The following ACTR3C variants were observed in gnomAD, a reference collection of about 807,000 sequenced individuals.
ACTR3C encodes actin related protein 3C, also known as actin-related protein 3C.
A neutral mutation model predicts 26.3 loss-of-function variants in ACTR3C; 18 were observed. That is an observed-to-expected ratio of 0.68 (90% CI 0.47 to 1.01). The LOEUF (loss-of-function observed/expected upper bound fraction) is 1.01, where lower values mean the gene tolerates loss of function less well. Ranked by LOEUF, ACTR3C falls within the 50% of genes least tolerant of loss-of-function variation. The pLI, the probability that ACTR3C is intolerant of heterozygous loss-of-function variation, is 0.00. For synonymous variants in ACTR3C, 55 were observed against 94.5 expected, an observed-to-expected ratio of 0.58 and a Z score of 2.42; for missense variants, 184 against 250.7, an observed-to-expected ratio of 0.73 and a Z score of 1.80.
chr7:150,197,902 G>A, the ACTR3C span, among the ~76,000 whole-genome samples: 3 of 144,546 alleles, frequency 2.1e-5, no homozygotes, highest in South Asian at 4.4e-4. Flanking sequence ...CCTCTCATGC[G>A]GAGCCGAAGC....
the ACTR3C span, among the ~76,000 whole-genome samples, chr7:150,193,856 C>T: frequency 1.3e-5 from 2 of 151,336 alleles, no homozygotes; most frequent in African/African-American, 4.9e-5. Flanking sequence ...GGTGAATAAT[C>T]CAGATGTTCT....
the ACTR3C span, among the ~76,000 whole-genome samples, chr7:150,203,590 A>G: frequency 6.6e-6 from 1 of 152,014 alleles, no homozygotes; most frequent in Non-Finnish European, 1.5e-5. Context: ...TTTTACATGA[A>G]GTTTTGCTCT....
At chr7:150,231,491 C>T in the ACTR3C span, among the ~76,000 whole-genome samples, 1 of 151,280 alleles carries the variant, frequency 6.6e-6, no homozygotes, top group Non-Finnish European at 1.5e-5. Context: ...GGCTGCCCTT[C>T]ACCTTCTGCC....
At chr7:150,203,070 T>C in the ACTR3C span, among the ~76,000 whole-genome samples, 1 of 152,220 alleles carries the variant, frequency 6.6e-6, no homozygotes, top group South Asian at 2.1e-4. Context: ...GCAAAAGAAG[T>C]GGAGCCTTAC....
At chr7:150,033,616 A>G in the ACTR3C span, among the ~76,000 whole-genome samples, 2,315 of 106,884 alleles carry the variant, frequency 0.022, no homozygotes, top group Non-Finnish European at 0.026. Context: ...CCCCCGCTGC[A>G]ATGGGGGTCC....
the ACTR3C span, among the ~76,000 whole-genome samples, chr7:149,913,671 C>T: frequency 1.3e-4 from 20 of 150,362 alleles, no homozygotes; most frequent in Non-Finnish European, 2.4e-4. Context: ...TAACACCCCT[C>T]GCTCACCCGC....
the ACTR3C span, among the ~76,000 whole-genome samples, chr7:150,100,268 G>A: frequency 6.6e-6 from 1 of 151,710 alleles, no homozygotes; most frequent in Admixed American, 6.6e-5. Context: ...GCACTTAGGA[G>A]ACATCAGTCA....
intron 1 of ACTR3C, among the ~76,000 whole-genome samples, chr7:150,303,984 G>C (rs1321329722): frequency 6.6e-6 from 1 of 152,228 alleles, no homozygotes; most frequent in East Asian, 1.9e-4. Flanking sequence ...CATATTTCTG[G>C]ATAAAGATAG....
the ACTR3C span, among the ~76,000 whole-genome samples, chr7:150,148,464 A>G: frequency 2.6e-5 from 4 of 152,106 alleles, no homozygotes; most frequent in Admixed American, 6.5e-5. Context: ...GCGACAGAGC[A>G]AGACACTGTC....
the ACTR3C span, among the ~76,000 whole-genome samples, chr7:149,944,825 C>T: frequency 6.8e-4 from 103 of 151,050 alleles, no homozygotes; most frequent in African/African-American, 2.3e-3. Context: ...CTAGGATGCA[C>T]CAAGGCATAA....
chr7:150,274,439 C>T lies in ACTR3C; in HGVS notation c.564+10314G>A, dbSNP rs1287735090. ...AACCATAATATAGTGCAAACATAGC[C>T]TTCATGTGCACCAGGAAACCAAAAA... On this transcript the variant is annotated intron_variant, in intron 6 of 7. Transcript: ENST00000683684. This position sits in a 1 kb window ranked among gnomAD's most constrained non-coding sequence, Gnocchi z 4.1. Among the ~76,000 whole-genome samples, 1 of 152,166 alleles carries T rather than the reference C, an allele frequency of 6.6e-6. No homozygotes were observed. Among genetic ancestry groups the T allele is most frequent in the Non-Finnish European group, 1.5e-5 (1 of 68,030 alleles).
chr7:150,158,804 GCA>G, the ACTR3C span, among the ~76,000 whole-genome samples: 4 of 151,560 alleles, frequency 2.6e-5, no homozygotes, highest in Non-Finnish European at 4.4e-5. Flanking sequence ...ACACACACAC[GCA>G]CACACACAGG....
At chr7:150,087,460 A>C in the ACTR3C span, among the ~76,000 whole-genome samples, 4 of 152,200 alleles carry the variant, frequency 2.6e-5, no homozygotes, top group African/African-American at 9.6e-5. Context: ...GTTTTTGGGA[A>C]GGGGATTACA....
the ACTR3C span, among the ~76,000 whole-genome samples, chr7:150,100,697 TTTTC>T: frequency 1.6e-4 from 24 of 149,304 alleles, no homozygotes; most frequent in Middle Eastern, 3.4e-3. Context: ...GAGCTTGAGT[TTTTC>T]TTTCTTTCTT....
the ACTR3C span, among the ~76,000 whole-genome samples, chr7:150,198,415 C>T: frequency 1.4e-5 from 2 of 146,394 alleles, no homozygotes; most frequent in East Asian, 2.0e-4. Flanking sequence ...CTCTTCCCAG[C>T]CGCCATCACA....
At chr7:150,254,790 C>T (rs949681155) in intron 6 of ACTR3C, among the ~76,000 whole-genome samples, 1 of 152,172 alleles carries the variant, frequency 6.6e-6, no homozygotes, top group Non-Finnish European at 1.5e-5. Context: ...TGGCAGTGCT[C>T]GTTATATCAA....
At chr7:149,936,288 C>A in the ACTR3C span, among the ~76,000 whole-genome samples, 3 of 152,168 alleles carry the variant, frequency 2.0e-5, no homozygotes, top group Admixed American at 6.5e-5. Flanking sequence ...TTCCCACCCA[C>A]TCCTCACCAT....
chr7:150,084,708 G>A, the ACTR3C span, among the ~76,000 whole-genome samples: 1 of 152,202 alleles, frequency 6.6e-6, no homozygotes, highest in African/African-American at 2.4e-5. Context: ...GCACACCATT[G>A]GAGGTCAGTA....
chr7:149,994,617 G>T, the ACTR3C span, among the ~76,000 whole-genome samples: 1 of 151,660 alleles, frequency 6.6e-6, no homozygotes, highest in Admixed American at 6.6e-5. Context: ...AAAAAAAAAT[G>T]GAAGCTAAGG....
Sources: allele counts gnomAD v4.1 joint callset (sites outside exome capture counted in the v4.1 genomes callset), GRCh38; gene constraint gnomAD v4.1.1; non-coding constraint Gnocchi (gnomAD v3.1); transcripts MANE v1.5; gene names NCBI Gene and HGNC (gene_info 2026-07-23, HGNC 2026-07-21).